MCM7: variants seen among roughly 807,000 people sequenced by gnomAD.
MCM7 encodes DNA replication licensing factor MCM7.
In MCM7, 95 loss-of-function variants were observed where a neutral mutation model predicts 83.5. The ratio of observed to expected loss-of-function variants is 1.14; its 90% CI spans 0.96 to 1.35. MCM7 has a LOEUF of 1.35. Ranked by LOEUF, MCM7 falls within the 40% of genes most tolerant of loss-of-function variation. The pLI, the probability that MCM7 is intolerant of heterozygous loss-of-function variation, is 0.00. For synonymous variants in MCM7, 461 were observed against 352.7 expected (o/e 1.31, Z -3.44); for missense variants, 1,087 against 957.4 (o/e 1.14, Z -1.79).
At chr7:100,093,582 C>T (rs775442904) in intron 13 of MCM7, 181 bp from the exon 14 acceptor site, 1 of 779,412 alleles carries the variant, frequency 1.3e-6, no homozygotes, top group Non-Finnish European at 2.4e-6. Flanking sequence ...CAGACCGAGA[C>T]AAGTGCAATG....
chr7:100,099,118 C>T lies in MCM7; in HGVS notation c.487G>A (p.Val163Met). Residue 163 changes from valine (V) to methionine (M), a missense_variant, in exon 5 of 15, where the codon GTG becomes ATG. Transcript: ENST00000303887. Reference protein sequence around the residue: ...RADSVGKLVTVRGIVTRVSEV... With the variant: ...RADSVGKLVTMRGIVTRVSEV... ...GAGACACGAGTGACGATTCCACGCA[C>T]AGTTACCAACTTCCCCACAGAGTCA... The T allele has an allele frequency of 6.2e-7, 1 of 1,614,164 alleles. No individual in the cohort carries two copies. Among genetic ancestry groups the T allele is most frequent in the Non-Finnish European group, 8.5e-7 (1 of 1,180,026 alleles).
intron 7 of MCM7, 45 bp downstream of exon 7, chr7:100,098,096 A>G (rs1291059139): frequency 2.5e-6 from 4 of 1,606,356 alleles, no homozygotes; most frequent in African/African-American, 1.3e-5. Context: ...TGAGTAGGTG[A>G]GGGAAAAGGG....
chr7:100,101,175 C>A (rs998894095), intron 1 of MCM7, 89 bp downstream of exon 1: 34 of 1,547,038 alleles, frequency 2.2e-5, no homozygotes, highest in Middle Eastern at 3.4e-4. Context: ...CCCGCCGACC[C>A]CGGTCCCCCA....
rs1180727731 is a variant in MCM7, at chr7:100,096,104, G to T, written c.1265C>A (p.Ser422Tyr). Residue 422 changes from serine to tyrosine, a missense_variant, in exon 11 of 15, where the codon TCC (serine) becomes TAC (tyrosine). Physicochemically the swap from Ser to Tyr is moderately radical, Grantham distance 144. Coordinates refer to ENST00000303887, the MANE Select transcript of MCM7 (RefSeq NM_005916.5). ...CTCTAAGGTCAGTTCTCCACTCACG[G>T]AGTCTCTCAGCACAGCTGCCGTAAG... The part of the protein sequence containing the change: ...VGLTAAVLRD[S>Y]VSGELTLEGG... 4.3e-6 allele frequency: 7 copies of T among 1,613,880 alleles called. No homozygotes were observed. The highest frequency in any genetic ancestry group is 5.1e-6 in the Non-Finnish European group (6 of 1,179,968).
In MCM7 at chr7:100,096,068, A is replaced by G; in HGVS notation, c.1301T>C (p.Leu434Pro). The stretch of plus-strand genomic sequence containing the variant: ...GCACACACCCTGGTCAGCCAGCACC[A>G]GGGCCCCACCCTCTAAGGTCAGTTC... ...SGELTLEGGA[L>P]VLADQGVCCI... The change falls in exon 11 of 15, where the codon CTG becomes CCG. Residue 434 changes from leucine to proline, a missense_variant. Physicochemically the swap from Leu to Pro is moderately conservative, Grantham distance 98 (BLOSUM62 -3). Transcript: ENST00000303887. The G allele has an allele frequency of 6.2e-7, 1 of 1,614,072 alleles. No individual in the cohort carries two copies. Among genetic ancestry groups the G allele is most frequent in the Non-Finnish European group, 8.5e-7 (1 of 1,180,002 alleles).
Position 100,098,645 on chromosome 7 carries a change from C to T in MCM7, c.653G>A (p.Gly218Glu). Residue 218 changes from glycine to glutamate, a missense_variant, in exon 6 of 15, where the codon GGG becomes GAG. Transcript: ENST00000303887. ...SQECQTNRSG[G>E]RLYLQTRGSR... Reference sequence around the variant, plus strand: ...GCCCCGTGTCTGCAGATACAGCCGCCCTCCTGAGCGGTTGGTTTGGCACTC... The same window carrying T: ...GCCCCGTGTCTGCAGATACAGCCGCTCTCCTGAGCGGTTGGTTTGGCACTC... 2 of 1,614,130 alleles carry T rather than the reference C, an allele frequency of 1.2e-6. No individual in the cohort carries two copies. Among genetic ancestry groups the T allele is most frequent in the Non-Finnish European group, 1.7e-6 (2 of 1,180,040 alleles).
At position 100,098,706 on chromosome 7, in the gene MCM7, G is replaced by A. The variant is rs200625974; in HGVS notation, c.592C>T (p.Pro198Ser). ...CACATGATCAGAGGCATGAAAGTGG[G>A]AGACTGGATCTAGGATGTGAGAACA... ...GAETYQPIQS[P>S]TFMPLIMCPS... Residue 198 changes from proline to serine, a missense_variant, in exon 6 of 15, where the codon CCC becomes TCC. Physicochemically the swap from Pro to Ser is moderately conservative, Grantham distance 74 (BLOSUM62 -1). Coordinates refer to ENST00000303887, the MANE Select transcript of MCM7 (RefSeq NM_005916.5). 3 of 1,614,174 alleles carry A rather than the reference G, an allele frequency of 1.9e-6. No individual in the cohort carries two copies. The highest frequency in any genetic ancestry group is 1.6e-4 in the Middle Eastern group (1 of 6,062).
intron 11 of MCM7, 30 bp from the exon 12 acceptor site, chr7:100,095,500 C>A (rs2116564536): frequency 6.2e-7 from 1 of 1,604,002 alleles, no homozygotes; most frequent in South Asian, 1.1e-5. Context: ...GAAGGAACAC[C>A]CTTTTTAGGG....
At chr7:100,093,217 G>C (rs1795408695) in intron 14 of MCM7, 75 bp downstream of exon 14, 2 of 1,592,616 alleles carry the variant, frequency 1.3e-6, no homozygotes, top group African/African-American at 2.7e-5. Context: ...GCCAGTGTTA[G>C]AATTGAGGCC....
chr7:100,100,859 C>G, intron 1 of MCM7: 1 of 1,031,584 alleles, frequency 9.7e-7, no homozygotes, highest in South Asian at 3.8e-5. Flanking sequence ...CCTGCCCGCC[C>G]CCGGGGCCTA....
At chr7:100,098,909 G>A (rs955058506) in intron 5 of MCM7, 114 bp downstream of exon 5, 33 of 1,452,476 alleles carry the variant, frequency 2.3e-5, no homozygotes, top group African/African-American at 2.0e-4. Context: ...AATGAAAGGC[G>A]AACACACAGG....
At position 100,098,559 on chromosome 7, in the gene MCM7, C is replaced by T; in HGVS notation, c.720+19G>A. 1 of 1,613,998 alleles carries T rather than the reference C, an allele frequency of 6.2e-7. No individual in the cohort carries two copies. Among genetic ancestry groups the T allele is most frequent in the Non-Finnish European group, 8.5e-7 (1 of 1,179,874 alleles). On this transcript the variant is annotated intron_variant, in intron 6 of 14. Transcript: ENST00000303887. Reference sequence around the variant, plus strand: ...GGACTCCCGATCCACCTGCCCAGGGCCACGTACCCCAAACTCACATGTTCT... The same window carrying T: ...GGACTCCCGATCCACCTGCCCAGGGTCACGTACCCCAAACTCACATGTTCT...
At chr7:100,098,074 G>C (rs1795738753) in intron 7 of MCM7, 67 bp downstream of exon 7, 1 of 1,591,240 alleles carries the variant, frequency 6.3e-7, no homozygotes, top group Non-Finnish European at 8.6e-7. Flanking sequence ...TCTTTTCTCT[G>C]TGTGGGTAGA....
At chr7:100,094,010 T>G (rs1795477131) in intron 13 of MCM7, 163 bp downstream of exon 13, 3 of 911,664 alleles carry the variant, frequency 3.3e-6, no homozygotes, top group Non-Finnish European at 3.7e-6. Context: ...GAGCAGCAAG[T>G]ACCCACAGTG....
At chr7:100,099,896 T>C (rs1795863096) in intron 2 of MCM7, 118 bp downstream of exon 2, 1 of 1,424,346 alleles carries the variant, frequency 7.0e-7, no homozygotes, top group African/African-American at 1.4e-5. Flanking sequence ...AGAGCGATAC[T>C]CGCTTTTCAG....
intron 7 of MCM7, 60 bp downstream of exon 7, chr7:100,098,081 T>C (rs1456177692): frequency 1.3e-6 from 2 of 1,594,206 alleles, no homozygotes; most frequent in African/African-American, 2.7e-5. Flanking sequence ...TCTGTGTGGG[T>C]AGAATGAGTA....
chr7:100,093,774 G>C (rs1224093872), intron 13 of MCM7: 1 of 611,516 alleles, frequency 1.6e-6, no homozygotes, highest in Non-Finnish European at 3.2e-6. Flanking sequence ...TGTCCCGGGG[G>C]CTCGGGAAGT....
In MCM7 at chr7:100,092,929, G is replaced by GA; in HGVS notation, c.*2dup. ...GGACCCCAGGGTTGCAAGCAGGCTGGAATCAGACAAAAGTGATCCGTGTCC... is the reference window on the plus strand; with the variant it reads ...GGACCCCAGGGTTGCAAGCAGGCTGGAAATCAGACAAAAGTGATCCGTGTCC... On this transcript the variant is annotated 3_prime_UTR_variant, in exon 15 of 15. Transcript: ENST00000303887. 2 of 1,614,184 alleles carry GA rather than the reference G, an allele frequency of 1.2e-6. No homozygotes were observed. The highest frequency in any genetic ancestry group is 1.7e-6 in the Non-Finnish European group (2 of 1,180,042).
At chr7:100,094,483 G>T in intron 12 of MCM7, 142 bp from the exon 13 acceptor site, 1 of 877,898 alleles carries the variant, frequency 1.1e-6, no homozygotes, top group Non-Finnish European at 1.7e-6. Flanking sequence ...AAATTAGTGG[G>T]TGATTATTTG....
Sources: allele counts gnomAD v4.1 joint callset, GRCh38; gene constraint gnomAD v4.1.1; transcripts MANE v1.5; gene names NCBI Gene and HGNC (gene_info 2026-07-23, HGNC 2026-07-21).